Variants in ABHD4 observed in about 807,000 individuals in gnomAD.
ABHD4 encodes abhydrolase domain containing 4, N-acyl phospholipase B.
ABHD4 carries 35 observed loss-of-function variants against 42.3 expected under a neutral mutation model. The ratio of observed to expected loss-of-function variants is 0.83; its 90% CI spans 0.63 to 1.10. The LOEUF (loss-of-function observed/expected upper bound fraction) is 1.10, where lower values mean the gene tolerates loss of function less well. Among genes scored for constraint, ABHD4 ranks in the 50% least tolerant of loss-of-function variants. ABHD4 has a pLI of 0.00. For synonymous variants in ABHD4, 169 were observed against 170.6 expected, an observed-to-expected ratio of 0.99 and a Z score of 0.07; for missense variants, 389 against 454.8, an observed-to-expected ratio of 0.86 and a Z score of 1.32.
intron 6 of ABHD4, among the ~76,000 whole-genome samples, chr14:22,610,325 C>A (rs1033870494): frequency 6.6e-6 from 1 of 152,050 alleles, no homozygotes; most frequent in East Asian, 1.9e-4. Context: ...CCAAAGTGCT[C>A]GTATTGTACT....
intron 1 of ABHD4, 112 bp downstream of exon 1, chr14:22,598,441 A>C: frequency 2.1e-6 from 3 of 1,443,108 alleles, no homozygotes; most frequent in Non-Finnish European, 2.8e-6. Context: ...TTCCTTTTCC[A>C]GGTCGGCCTC....
In ABHD4 at chr14:22,606,498, A is replaced by G. The variant is rs1299989974; in HGVS notation, c.717A>G (p.Ser239=). The part of the protein sequence containing the change: ...FADFFEDDTI[S]EYIYHCNAQN... ...ACTTCTTTGAAGATGATACCATATCAGAGTATATTTACCACTGCAACGCAC... is the reference window on the plus strand; with the variant it reads ...ACTTCTTTGAAGATGATACCATATCGGAGTATATTTACCACTGCAACGCAC... The change falls in exon 5 of 7, where the codon TCA becomes TCG. Residue 239 remains serine (S), a synonymous_variant. Transcript: ENST00000428304. 2 of 1,613,518 alleles carry G rather than the reference A, an allele frequency of 1.2e-6. No homozygotes were observed. The highest frequency in any genetic ancestry group is 2.2e-5 in the East Asian group (1 of 44,882).
intron 2 of ABHD4, 60 bp downstream of exon 2, chr14:22,601,815 C>A: frequency 6.8e-7 from 1 of 1,464,102 alleles, no homozygotes; most frequent in African/African-American, 1.4e-5. Context: ...GATTCAGGAT[C>A]TTCCCAGAGC....
chr14:22,610,048 C>A, intron 6 of ABHD4, 138 bp downstream of exon 6: 1 of 791,654 alleles, frequency 1.3e-6, no homozygotes, highest in Non-Finnish European at 1.9e-6. Flanking sequence ...AGTTTGGAAA[C>A]TCTCTTTGGA....
At chr14:22,600,831 G>GTGTGTGTGT (rs1555307697) in intron 1 of ABHD4, among the ~76,000 whole-genome samples, 3 of 65,224 alleles carry the variant, frequency 4.6e-5, no homozygotes, top group African/African-American at 8.8e-5. Context: ...CCAGCAGGGG[G>GTGTGTGTGT]GTGTGTGTGT....
At chr14:22,607,290 C>G (rs1488287946) in intron 5 of ABHD4, among the ~76,000 whole-genome samples, 1 of 152,094 alleles carries the variant, frequency 6.6e-6, no homozygotes, top group Non-Finnish European at 1.5e-5. Flanking sequence ...GATGGCAGGG[C>G]AGTCAGGGAG....
chr14:22,599,188 G>A (rs1310446915), intron 1 of ABHD4, among the ~76,000 whole-genome samples: 1 of 152,196 alleles, frequency 6.6e-6, no homozygotes, highest in Non-Finnish European at 1.5e-5. Context: ...ATAGCTTGCT[G>A]GGCTTGAAAG....
In ABHD4 at chr14:22,609,824, A is replaced by G. The variant is rs144490080; in HGVS notation, c.853A>G (p.Met285Val). 1.1e-4 allele frequency: 174 copies of G among 1,614,158 alleles called. No individual in the cohort carries two copies. In the African/African-American group the frequency reaches 1.9e-3, roughly 18 times the overall value. ...HLIRKDVPIT[M>V]IYGSDTWIDT... ...GATTCGAAAAGATGTGCCTATCACTATGATCTACGGGTCCGACACCTGGAT... is the reference window on the plus strand; with the variant it reads ...GATTCGAAAAGATGTGCCTATCACTGTGATCTACGGGTCCGACACCTGGAT... The change falls in exon 6 of 7, where the codon ATG (methionine) becomes GTG (valine). Residue 285 changes from methionine to valine, a missense_variant. Met to Val is a conservative substitution (Grantham distance 21). This residue lies in a region of ABHD4 where 249 missense variants were observed against 254.4 expected (regional missense o/e 0.98). Transcript: ENST00000428304.
At chr14:22,600,631 C>T (rs879428472) in intron 1 of ABHD4, among the ~76,000 whole-genome samples, 2 of 152,136 alleles carry the variant, frequency 1.3e-5, no homozygotes, top group African/African-American at 2.4e-5. Context: ...TGTCCTGTAA[C>T]TCAGGCAGAG....
chr14:22,601,585 CTT>C (rs1594890401), intron 1 of ABHD4, 80 bp from the exon 2 acceptor site: 5 of 1,373,656 alleles, frequency 3.6e-6, no homozygotes, highest in Middle Eastern at 1.8e-4. Flanking sequence ...CCTGAGAACT[CTT>C]TTGTAACTCT....
intron 5 of ABHD4, among the ~76,000 whole-genome samples, chr14:22,607,643 C>T (rs1181417631): frequency 2.0e-5 from 3 of 152,208 alleles, no homozygotes. Flanking sequence ...CCCCTGTCTT[C>T]CTGCCGTTGG....
rs1288022242 is a variant in ABHD4, at chr14:22,611,563, G to C, written c.*615G>C. Reference sequence around the variant, plus strand: ...GGCTGGACCATGGTGATACAGCTCTGTGTGATTCAAGTTCTGGCAGAGCTT... The same window carrying C: ...GGCTGGACCATGGTGATACAGCTCTCTGTGATTCAAGTTCTGGCAGAGCTT... On this transcript the variant is annotated 3_prime_UTR_variant, in exon 7 of 7. Transcript: ENST00000428304. The C allele has an allele frequency of 6.5e-6, 1 of 152,822 alleles. No homozygotes were observed. The highest frequency in any genetic ancestry group is 6.5e-5 in the Admixed American group (1 of 15,422). 9.5% of individuals were successfully genotyped at this position (152,822 alleles called of 1,614,324 possible). A position where few individuals can be genotyped will look rare whatever the true frequency, so the allele number is the denominator to read the frequency against.
chr14:22,609,490 A>T (rs1183170273), intron 5 of ABHD4: 16 of 429,212 alleles, frequency 3.7e-5, no homozygotes, highest in Admixed American at 1.6e-4. Flanking sequence ...TCATTCTCAG[A>T]TTCTTGGACA....
At chr14:22,602,592 T>C in intron 2 of ABHD4, among the ~76,000 whole-genome samples, 1 of 152,130 alleles carries the variant, frequency 6.6e-6, no homozygotes, top group Admixed American at 6.6e-5. Flanking sequence ...CACAGTTCTG[T>C]CCATCCATCA....
chr14:22,605,574 A>G (rs1404207650), intron 4 of ABHD4, among the ~76,000 whole-genome samples: 1 of 152,224 alleles, frequency 6.6e-6, no homozygotes, highest in African/African-American at 2.4e-5. Context: ...AACAGAGTCT[A>G]TAGTCCTTTG....
intron 4 of ABHD4, among the ~76,000 whole-genome samples, chr14:22,605,312 G>T (rs1470208838): frequency 6.6e-6 from 1 of 152,180 alleles, no homozygotes; most frequent in Non-Finnish European, 1.5e-5. Flanking sequence ...AAAGATTGGT[G>T]ATGCCTGTCT....
At chr14:22,600,073 A>G (rs2037264522) in intron 1 of ABHD4, 1 of 414,326 alleles carries the variant, frequency 2.4e-6, no homozygotes, top group Non-Finnish European at 4.9e-6. Context: ...TGTGCTTTAG[A>G]TGCATTAACA....
At chr14:22,606,143 A>G (rs2037346314) in intron 4 of ABHD4, among the ~76,000 whole-genome samples, 1 of 152,128 alleles carries the variant, frequency 6.6e-6, no homozygotes, top group Non-Finnish European at 1.5e-5. Context: ...GCAGGGAAAG[A>G]TCTCGGGGCT....
At chr14:22,607,648 C>T (rs866127621) in intron 5 of ABHD4, among the ~76,000 whole-genome samples, 125 of 152,304 alleles carry the variant, frequency 8.2e-4, no homozygotes, top group African/African-American at 2.1e-3. Context: ...GTCTTCCTGC[C>T]GTTGGCCCTT....
Sources: gnomAD v4.1 joint callset for allele counts (sites outside exome capture counted in the v4.1 genomes callset) on GRCh38, gnomAD v4.1.1 for gene constraint, gnomAD v4.1.1 regional missense constraint, MANE v1.5 for transcripts, NCBI Gene and HGNC (gene_info 2026-07-23, HGNC 2026-07-21) for gene names.